ALG13: variants seen among roughly 807,000 people sequenced by gnomAD.
ALG13 encodes ALG13 UDP-N-acetylglucosaminyltransferase subunit.
Under a neutral mutation model 87.8 loss-of-function variants are expected in ALG13, and 11 were observed. The ratio of observed to expected loss-of-function variants is 0.13; its 90% CI spans 0.08 to 0.21. The LOEUF is 0.21. Among genes scored for constraint, ALG13 ranks in the 10% least tolerant of loss-of-function variants. The probability of loss-of-function intolerance (pLI) is 1.00; values close to 1 mark genes in which losing one functional copy is unlikely to be tolerated. For synonymous variants in ALG13, 320 were observed against 306.3 expected (o/e 1.04, Z -0.47); for missense variants, 756 against 866.1 (o/e 0.87, Z 1.60).
chrX:111,757,675 G>C lies in ALG13; in HGVS notation c.3061G>C (p.Glu1021Gln). Reference sequence around the variant, plus strand: ...TGTAGAGAATTATCCAGTCTATACTGAGCCACCTCTGGTAGATCAAACCGT... The same window carrying C: ...TGTAGAGAATTATCCAGTCTATACTCAGCCACCTCTGGTAGATCAAACCGT... ...LHVENYPVYT[E>Q]PPLVDQTVPQ... is the part of the protein sequence containing the mutation. Residue 1021 changes from glutamate to glutamine, a missense_variant, in exon 26 of 27, where the codon GAG (glutamate) becomes CAG (glutamine). By Grantham distance (29) the Glu-to-Gln change is conservative. Coordinates refer to ENST00000394780, the MANE Select transcript of ALG13 (RefSeq NM_001099922.3). 8.3e-7 allele frequency: 1 copy of C among 1,209,441 alleles called. No homozygotes were observed. Among genetic ancestry groups the C allele is most frequent in the Non-Finnish European group, 1.1e-6 (1 of 893,804 alleles).
At chrX:111,746,381 A>G (rs1222731385) in intron 24 of ALG13, among the ~76,000 whole-genome samples, 2 of 111,913 alleles carry the variant, frequency 1.8e-5, no homozygotes, top group East Asian at 2.8e-4. Context: ...TCTACCATAG[A>G]TTAGTTTTAC....
chrX:111,691,075 T>A (rs1303789952), intron 3 of ALG13, among the ~76,000 whole-genome samples: 1 of 111,407 alleles, frequency 9.0e-6, no homozygotes, highest in Non-Finnish European at 1.9e-5. Flanking sequence ...AATTTTCTGC[T>A]GTACATGTAA....
At chrX:111,703,119 CTTCATGGGCCCT>C (rs1402976188) in intron 3 of ALG13, among the ~76,000 whole-genome samples, 1 of 110,079 alleles carries the variant, frequency 9.1e-6, no homozygotes, top group African/African-American at 3.3e-5. Flanking sequence ...GTTGTGGCTG[CTTCATGGGCCCT>C]TTCAGTCTCA....
At chrX:111,716,764 G>A (rs374251336) in intron 8 of ALG13, among the ~76,000 whole-genome samples, 22 of 111,523 alleles carry the variant, frequency 2.0e-4, no homozygotes, top group African/African-American at 7.1e-4. Context: ...GGAAGAGTAG[G>A]AAGACAGAAA....
intron 1 of ALG13, 40 bp downstream of exon 1, chrX:111,681,339 A>C (rs768198856): frequency 5.5e-4 from 651 of 1,188,761 alleles, no homozygotes; most frequent in East Asian, 4.5e-3. Context: ...TTGGCTCGCC[A>C]CCCGCCATCT....
chrX:111,759,958 C>A lies in ALG13; in HGVS notation c.3373C>A (p.Pro1125Thr). The change falls in exon 27 of 27, where the codon CCA becomes ACA. Residue 1125 changes from proline to threonine, a missense_variant. Transcript: ENST00000394780. ...TCCTGGGCCAATTGGCTGTATTGCT[C>A]CATCTCCCCCAGCTTCTCATTATGT... ...INPGPIGCIAPSPPASHYVPQ... is the reference protein window; with the variant it reads ...INPGPIGCIATSPPASHYVPQ... 2 of 1,210,675 alleles carry A rather than the reference C, an allele frequency of 1.7e-6. No homozygotes were observed. The highest frequency in any genetic ancestry group is 2.2e-6 in the Non-Finnish European group (2 of 895,094).
At position 111,717,644 on chromosome X, in the gene ALG13, G is replaced by A. The variant is rs184710550; in HGVS notation, c.1006-202G>A. On this transcript the variant is annotated intron_variant, in intron 8 of 26. Coordinates refer to ENST00000394780, the MANE Select transcript of ALG13 (RefSeq NM_001099922.3). ...AACCTTAGTAGTGATTTTAATCTTGGCATTTAAAAGTCACTGCCAAGAAAA... is the reference window on the plus strand; with the variant it reads ...AACCTTAGTAGTGATTTTAATCTTGACATTTAAAAGTCACTGCCAAGAAAA... 8.6e-4 allele frequency among the ~76,000 whole-genome samples: 92 copies of A among 107,134 alleles called. 1 individual carries two copies. Among genetic ancestry groups the A allele is most frequent in the East Asian group, 5.0e-3 (17 of 3,414 alleles). The allele number at this position is 107,134 out of a possible 115,157, so 93.0% of individuals were successfully genotyped here. A position where few individuals can be genotyped will look rare whatever the true frequency, so the allele number is the denominator to read the frequency against.
intron 13 of ALG13, among the ~76,000 whole-genome samples, chrX:111,723,570 GA>G (rs201015901): frequency 2.0e-3 from 218 of 106,576 alleles, no homozygotes; most frequent in African/African-American, 7.0e-3. Flanking sequence ...ACACCCAGCC[GA>G]AAAAAAAAAT....
intron 8 of ALG13, 75 bp downstream of exon 8, chrX:111,713,372 A>AT: frequency 4.6e-6 from 3 of 658,930 alleles, no homozygotes; most frequent in Non-Finnish European, 7.1e-6. Context: ...ATATTAAATC[A>AT]TTTTTAACCT....
At chrX:111,681,524 G>A (rs894066298) in intron 1 of ALG13, 3 of 988,742 alleles carry the variant, frequency 3.0e-6, no homozygotes, top group Non-Finnish European at 3.9e-6. Flanking sequence ...CCATTATTCC[G>A]GCCGCTCCTC....
At position 111,686,177 on chromosome X, in the gene ALG13, C is replaced by T. The variant is rs754909326; in HGVS notation, c.383+1074C>T. ...CTAGAAGCTTGCCAAAGGGCCAGGT[C>T]AGTAATTCCCACTTGTTTGACTTTA... On this transcript the variant is annotated intron_variant, in intron 3 of 26. Transcript: ENST00000394780. 2.7e-6 allele frequency: 3 copies of T among 1,099,985 alleles called. No individual in the cohort carries two copies. In the South Asian group the frequency reaches 7.1e-5, roughly 26 times the overall value. The allele number at this position is 1,099,985 out of a possible 1,213,427, so 90.7% of individuals were successfully genotyped here. A position where few individuals can be genotyped will look rare whatever the true frequency, so the allele number is the denominator to read the frequency against.
chrX:111,720,036 T>G, intron 10 of ALG13, 59 bp from the exon 11 acceptor site: 2 of 869,192 alleles, frequency 2.3e-6, no homozygotes, highest in South Asian at 5.3e-5. Flanking sequence ...GTCATTAGGC[T>G]TAACATAAGT....
At position 111,759,717 on chromosome X, in the gene ALG13, T is replaced by C. The variant is rs1333195712; in HGVS notation, c.3149-17T>C. On this transcript the variant is annotated splice_polypyrimidine_tract_variant and intron_variant, in intron 26 of 26. Coordinates refer to ENST00000394780, the MANE Select transcript of ALG13 (RefSeq NM_001099922.3). ...ATTTTTGTATATAAAGTAGACTGTA[T>C]ACATCCTTTCTTTCAGATACTTTTC... 4 of 1,185,839 alleles carry C rather than the reference T, an allele frequency of 3.4e-6. No homozygotes were observed. The highest frequency in any genetic ancestry group is 4.5e-6 in the Non-Finnish European group (4 of 880,294).
At chrX:111,685,340 AGTGTGT>A in intron 3 of ALG13, 1 of 325,019 alleles carries the variant, frequency 3.1e-6, no homozygotes, top group Non-Finnish European at 5.3e-6. Context: ...TATCTGAGAG[AGTGTGT>A]GTATGTGTGT....
chrX:111,721,680 A>G lies in ALG13; in HGVS notation c.1404A>G (p.Val468=), dbSNP rs1941413160. The change falls in exon 12 of 27, where the codon GTA becomes GTG. Residue 468 remains valine, a synonymous_variant. Transcript: ENST00000394780. ...KALDPEIYRN[V]EFDVWLDSRK... ...TGGATCCAGAAATCTATCGTAATGT[A>G]GAATTTGATGTTTGGTTGGACAGCA... is the stretch of plus-strand genomic sequence containing the variant. The G allele has an allele frequency of 8.4e-7, 1 of 1,196,557 alleles. No homozygotes were observed.
At chrX:111,733,253 C>G (rs1182673931) in intron 21 of ALG13, among the ~76,000 whole-genome samples, 2 of 111,375 alleles carry the variant, frequency 1.8e-5, no homozygotes, top group East Asian at 5.7e-4. Context: ...CAGTGTACCA[C>G]TGTAAGCAAT....
chrX:111,702,453 A>G (rs756459970), intron 3 of ALG13, among the ~76,000 whole-genome samples: 1 of 111,479 alleles, frequency 9.0e-6, no homozygotes, highest in East Asian at 2.8e-4. Context: ...TTTCCTGTAA[A>G]ACTTTGTTTT....
chrX:111,741,394 A>G (rs10218087), intron 23 of ALG13, among the ~76,000 whole-genome samples: 3,440 of 112,364 alleles, frequency 0.031, 123 homozygotes, highest in African/African-American at 0.1. Context: ...GATTACTATT[A>G]AAGTCAAAAC....
In ALG13 at chrX:111,682,299, A is replaced by AC. The variant is rs1556445112; in HGVS notation, c.244+5_244+6insC. On this transcript the variant is annotated splice_donor_region_variant and intron_variant, in intron 2 of 26. Coordinates refer to ENST00000394780, the MANE Select transcript of ALG13 (RefSeq NM_001099922.3). ...ATCTTGTTATTAGTCACGCAGGTAA[A>AC]GGTGCCTAAGAATCTCAGGGTTGGG... 8.7e-7 allele frequency: 1 copy of AC among 1,153,411 alleles called. No homozygotes were observed. Among genetic ancestry groups the AC allele is most frequent in the African/African-American group, 1.8e-5 (1 of 54,765 alleles).
Sources: gnomAD v4.1 joint callset for allele counts (sites outside exome capture counted in the v4.1 genomes callset) on GRCh38, gnomAD v4.1.1 for gene constraint, MANE v1.5 for transcripts, NCBI Gene and HGNC (gene_info 2026-07-23, HGNC 2026-07-21) for gene names.